Variants in DAB1 observed in about 807,000 individuals in gnomAD.
DAB1 encodes the protein DAB adaptor protein 1.
Under a neutral mutation model 64.6 loss-of-function variants are expected in DAB1, and 15 were observed. The observed-to-expected ratio is 0.23, with a 90% CI of 0.16 to 0.36. The LOEUF (loss-of-function observed/expected upper bound fraction) is 0.36. DAB1 is among the 10% of genes least tolerant of loss of function. DAB1 has a pLI of 1.00. For synonymous variants in DAB1, 235 were observed against 251.9 expected (o/e 0.93, Z 0.64); for missense variants, 596 against 706.7 (o/e 0.84, Z 1.78).
At chr1:57,600,697 T>C (rs151088222) in intron 7 of DAB1, among the ~76,000 whole-genome samples, 1 of 152,262 alleles carries the variant, frequency 6.6e-6, no homozygotes, top group Non-Finnish European at 1.5e-5. Context: ...AGCATAAGCA[T>C]TGTCATGTAA....
intron 7 of DAB1, among the ~76,000 whole-genome samples, chr1:57,522,854 C>T (rs72913160): frequency 0.03 from 4,517 of 152,254 alleles, 232 homozygotes; most frequent in African/African-American, 0.1. Flanking sequence ...CTGAGTCTTC[C>T]GGCCTTCATC....
At chr1:57,045,729 G>A (rs909620733) in intron 9 of DAB1, among the ~76,000 whole-genome samples, 1 of 151,960 alleles carries the variant, frequency 6.6e-6, no homozygotes, top group African/African-American at 2.4e-5. Context: ...GAAAGAAAGT[G>A]GGATGGGGAA....
At chr1:57,313,994 C>A (rs1035547010) in intron 1 of DAB1, among the ~76,000 whole-genome samples, 1 of 152,138 alleles carries the variant, frequency 6.6e-6, no homozygotes, top group Non-Finnish European at 1.5e-5. Context: ...TTCCAGCCTC[C>A]AGGACTGTAA....
intron 6 of DAB1, among the ~76,000 whole-genome samples, chr1:57,820,507 C>G (rs755377243): frequency 5.3e-5 from 8 of 152,184 alleles, no homozygotes; most frequent in African/African-American, 1.2e-4. Context: ...GAAGTCCCAT[C>G]ATGCTGGTGC....
At chr1:57,440,007 C>T (rs1007875823) in intron 7 of DAB1, among the ~76,000 whole-genome samples, 3 of 152,098 alleles carry the variant, frequency 2.0e-5, no homozygotes, top group African/African-American at 7.2e-5. Context: ...TAATACCATA[C>T]CAGATAATGG....
chr1:57,048,925 C>T (rs1415247509), intron 9 of DAB1, among the ~76,000 whole-genome samples: 8 of 152,238 alleles, frequency 5.3e-5, no homozygotes, highest in Admixed American at 5.2e-4. Context: ...TATGCGACCA[C>T]TTATCCCTTT....
chr1:58,342,708 C>T (rs570252006), intron 4 of DAB1, among the ~76,000 whole-genome samples: 267 of 152,240 alleles, frequency 1.8e-3, no homozygotes, highest in African/African-American at 6.1e-3. Context: ...AAACAAAAAT[C>T]CTGGAGGCAT....
intron 7 of DAB1, among the ~76,000 whole-genome samples, chr1:57,601,999 T>A (rs1475726963): frequency 6.6e-6 from 1 of 152,152 alleles, no homozygotes; most frequent in Non-Finnish European, 1.5e-5. Context: ...TGCTCTGAGG[T>A]GTGTAGGAGA....
chr1:57,490,672 T>A (rs1049690493), intron 7 of DAB1, among the ~76,000 whole-genome samples: 1 of 152,202 alleles, frequency 6.6e-6, no homozygotes, highest in African/African-American at 2.4e-5. Context: ...AAGTTTCTGA[T>A]AGAAAATGTT....
chr1:57,368,554 T>G (rs1680246824), intron 1 of DAB1, among the ~76,000 whole-genome samples: 1 of 152,090 alleles, frequency 6.6e-6, no homozygotes. Context: ...TCCTCCTCTC[T>G]GCGGAGTGCT....
At chr1:57,897,651 G>A (rs186113915) in intron 5 of DAB1, among the ~76,000 whole-genome samples, 6 of 152,226 alleles carry the variant, frequency 3.9e-5, no homozygotes, top group African/African-American at 1.4e-4. Flanking sequence ...TTTTTGAAGG[G>A]ATAGGAAAAT....
intron 7 of DAB1, among the ~76,000 whole-genome samples, chr1:57,644,762 G>A (rs1350888758): frequency 6.6e-6 from 1 of 152,152 alleles, no homozygotes; most frequent in African/African-American, 2.4e-5. Context: ...TAAGCAGTCT[G>A]TAAGTCTGTT....
intron 3 of DAB1, among the ~76,000 whole-genome samples, chr1:58,438,546 C>T (rs955570465): frequency 2.0e-5 from 3 of 152,162 alleles, no homozygotes; most frequent in Admixed American, 6.5e-5. Flanking sequence ...TCCTCGACTC[C>T]GCCCCTGCCC....
At chr1:57,612,541 G>C (rs1380145882) in intron 7 of DAB1, among the ~76,000 whole-genome samples, 1 of 152,036 alleles carries the variant, frequency 6.6e-6, no homozygotes, top group Non-Finnish European at 1.5e-5. Flanking sequence ...TGCTGGACTT[G>C]AACATGGAGG....
intron 6 of DAB1, among the ~76,000 whole-genome samples, chr1:57,715,943 C>A (rs1179284043): frequency 6.6e-6 from 1 of 152,152 alleles, no homozygotes; most frequent in Non-Finnish European, 1.5e-5. Context: ...GACAGTCTTG[C>A]CTTGTTGCCC....
intron 5 of DAB1, among the ~76,000 whole-genome samples, chr1:58,035,764 A>G (rs368774771): frequency 3.9e-5 from 6 of 152,202 alleles, no homozygotes; most frequent in Admixed American, 3.3e-4. Flanking sequence ...GACTGGCAGG[A>G]TAAAAGAAAA....
intron 9 of DAB1, among the ~76,000 whole-genome samples, chr1:57,058,601 A>G (rs535411445): frequency 6.6e-6 from 1 of 152,208 alleles, no homozygotes; most frequent in Non-Finnish European, 1.5e-5. Context: ...CAGTGCAACA[A>G]AACATTTAGT....
At chr1:57,930,590 A>G (rs1192269716) in intron 5 of DAB1, among the ~76,000 whole-genome samples, 1 of 151,926 alleles carries the variant, frequency 6.6e-6, no homozygotes, top group East Asian at 1.9e-4. Context: ...AGATTTTGTT[A>G]TTTTTTGTCA....
chr1:58,100,109 T>A (rs1651225796), intron 5 of DAB1, among the ~76,000 whole-genome samples: 1 of 152,208 alleles, frequency 6.6e-6, no homozygotes, highest in South Asian at 2.1e-4. Flanking sequence ...AAATTTACCA[T>A]TTTAACAAAT....
Sources: gnomAD v4.1 joint callset for allele counts (sites outside exome capture counted in the v4.1 genomes callset) on GRCh38, gnomAD v4.1.1 for gene constraint, MANE v1.5 for transcripts, NCBI Gene and HGNC (gene_info 2026-07-23, HGNC 2026-07-21) for gene names.